NELL1: variants seen among roughly 807,000 people sequenced by gnomAD.
NELL1 encodes the protein neural EGFL like 1.
In NELL1, 76 loss-of-function variants were observed where a neutral mutation model predicts 107.4. The ratio of observed to expected loss-of-function variants is 0.71; its 90% CI spans 0.59 to 0.86. The LOEUF is 0.86. NELL1 is among the 40% of genes least tolerant of loss of function. NELL1 has a pLI of 0.00. For synonymous variants in NELL1, 353 were observed against 341.2 expected (o/e 1.03, Z -0.38); for missense variants, 1,024 against 1,005.5 (o/e 1.02, Z -0.25).
intron 12 of NELL1, among the ~76,000 whole-genome samples, chr11:20,992,546 C>T (rs886913040): frequency 6.6e-6 from 1 of 152,078 alleles, no homozygotes; most frequent in African/African-American, 2.4e-5. Flanking sequence ...ATTTATAAGT[C>T]TGTAGCCTTG....
intron 12 of NELL1, among the ~76,000 whole-genome samples, chr11:21,061,027 G>A (rs11025897): frequency 0.26 from 40,194 of 152,134 alleles, 5,568 homozygotes; most frequent in South Asian, 0.4. Context: ...GAGCCACCAC[G>A]CCTGGCCCCA....
chr11:20,988,390 T>TATATAG (rs1323558787), intron 12 of NELL1, among the ~76,000 whole-genome samples: 3 of 151,322 alleles, frequency 2.0e-5, no homozygotes, highest in Non-Finnish European at 4.4e-5. Flanking sequence ...TATATGTGTA[T>TATATAG]ATATATACAT....
rs747919738 is a variant in NELL1 at position 21,532,723 on chromosome 11, T to C, written c.1646-1651T>C. ...GTTGCTGCTTTGTTACAGAGAGTTA[T>C]CCTTCAGCCTAACATAGAGAAGTCA... On this transcript the variant is annotated intron_variant, in intron 15 of 19. Coordinates refer to ENST00000357134, the MANE Select transcript of NELL1 (RefSeq NM_006157.5). Among the ~76,000 whole-genome samples, 128 of 152,160 alleles carry C rather than the reference T, an allele frequency of 8.4e-4. 3 individuals are homozygous for C. Among genetic ancestry groups the C allele is most frequent in the Non-Finnish European group, 2.6e-4 (18 of 68,026 alleles).
intron 2 of NELL1, among the ~76,000 whole-genome samples, chr11:20,728,567 C>G (rs971083310): frequency 6.7e-6 from 1 of 150,232 alleles, no homozygotes; most frequent in African/African-American, 2.4e-5. Context: ...ATAGGAAATC[C>G]TTTCTTCATT....
At chr11:21,319,494 T>TA (rs1849959790) in intron 14 of NELL1, among the ~76,000 whole-genome samples, 2 of 135,632 alleles carry the variant, frequency 1.5e-5, no homozygotes, top group African/African-American at 5.5e-5. Context: ...CCAGCTAAAT[T>TA]TATATATATA....
At chr11:20,983,136 C>T (rs1020232624) in intron 12 of NELL1, among the ~76,000 whole-genome samples, 6 of 152,088 alleles carry the variant, frequency 3.9e-5, no homozygotes, top group East Asian at 1.9e-4. Context: ...TGCAAGTATT[C>T]GCTGTTTATA....
intron 14 of NELL1, among the ~76,000 whole-genome samples, chr11:21,364,042 C>T (rs1851151646): frequency 6.6e-6 from 1 of 152,096 alleles, no homozygotes; most frequent in Non-Finnish European, 1.5e-5. Context: ...GAAGATAGCA[C>T]TTGTAGACAT....
chr11:21,293,849 A>G (rs956148274), intron 14 of NELL1, among the ~76,000 whole-genome samples: 17 of 152,170 alleles, frequency 1.1e-4, no homozygotes, highest in South Asian at 4.1e-4. Flanking sequence ...CAAACACCAC[A>G]TGATCTCACT....
rs1157847475 is a variant in NELL1 at position 21,573,242 on chromosome 11, G to A, written c.2215G>A (p.Ala739Thr). ...CCCCAACTTGAGCTGTGAGTATACAGCTATCTTAGAAGGGGAATGTTGTCC... is the reference window on the plus strand; with the variant it reads ...CCCCAACTTGAGCTGTGAGTATACAACTATCTTAGAAGGGGAATGTTGTCC... ...TCPNLSCEYT[A>T]ILEGECCPRC... The change falls in exon 19 of 20, where the codon GCT becomes ACT. Residue 739 changes from alanine to threonine, a missense_variant. Physicochemically the swap from Ala to Thr is moderately conservative, Grantham distance 58 (BLOSUM62 0). Transcript: ENST00000357134. 2 of 1,612,250 alleles carry A rather than the reference G, an allele frequency of 1.2e-6. No homozygotes were observed. The highest frequency in any genetic ancestry group is 1.7e-6 in the Non-Finnish European group (2 of 1,178,980).
intron 12 of NELL1, among the ~76,000 whole-genome samples, chr11:21,046,551 C>T (rs1853358374): frequency 6.6e-6 from 1 of 152,206 alleles, no homozygotes; most frequent in Non-Finnish European, 1.5e-5. Flanking sequence ...TTGTTCTTTT[C>T]TTATCAATAC....
At chr11:21,525,402 A>G (rs1173590355) in intron 15 of NELL1, among the ~76,000 whole-genome samples, 2 of 152,162 alleles carry the variant, frequency 1.3e-5, no homozygotes, top group Admixed American at 6.5e-5. Context: ...TTCATACCTT[A>G]TTGGAACTTG....
intron 14 of NELL1, among the ~76,000 whole-genome samples, chr11:21,330,278 A>C (rs1158378338): frequency 3.9e-5 from 6 of 152,158 alleles, no homozygotes; most frequent in African/African-American, 1.4e-4. Context: ...ATATGCATTT[A>C]TACTGTCTTT....
chr11:21,479,926 A>G (rs2133898253), intron 15 of NELL1, among the ~76,000 whole-genome samples: 1 of 152,250 alleles, frequency 6.6e-6, no homozygotes, highest in Non-Finnish European at 1.5e-5. Flanking sequence ...TCCTCGAGAT[A>G]AACAGCTCTA....
intron 13 of NELL1, among the ~76,000 whole-genome samples, chr11:21,122,352 C>G (rs11025928): frequency 0.15 from 22,866 of 152,172 alleles, 1,795 homozygotes; most frequent in Non-Finnish European, 0.17. Flanking sequence ...GCTGGTCTTG[C>G]AGCTCCACTC....
chr11:21,235,357 C>T (rs4923446), intron 14 of NELL1, among the ~76,000 whole-genome samples: 8 of 152,122 alleles, frequency 5.3e-5, no homozygotes, highest in Non-Finnish European at 1.0e-4. Flanking sequence ...GGATTTGAGA[C>T]TGTACCCCAC....
intron 15 of NELL1, among the ~76,000 whole-genome samples, chr11:21,444,026 C>T (rs1408373608): frequency 6.6e-6 from 1 of 152,062 alleles, no homozygotes; most frequent in Non-Finnish European, 1.5e-5. Context: ...ATATATATAA[C>T]TAAGACATTT....
At chr11:21,268,148 A>G (rs1848671298) in intron 14 of NELL1, among the ~76,000 whole-genome samples, 1 of 152,174 alleles carries the variant, frequency 6.6e-6, no homozygotes, top group Non-Finnish European at 1.5e-5. Flanking sequence ...TTATGTGGGA[A>G]CCAGGACCAG....
At chr11:21,569,617 G>T (rs1307418170) in intron 17 of NELL1, among the ~76,000 whole-genome samples, 1 of 151,846 alleles carries the variant, frequency 6.6e-6, no homozygotes, top group Non-Finnish European at 1.5e-5. Context: ...GTACATAAGA[G>T]CTGTCTTCTA....
intron 13 of NELL1, among the ~76,000 whole-genome samples, chr11:21,187,458 T>C (rs997143433): frequency 1.3e-5 from 2 of 151,894 alleles, no homozygotes; most frequent in Non-Finnish European, 2.9e-5. Flanking sequence ...AAAGTAACAC[T>C]TAAAATGATA....
Sources: gnomAD v4.1 joint callset for allele counts (sites outside exome capture counted in the v4.1 genomes callset) on GRCh38, gnomAD v4.1.1 for gene constraint, MANE v1.5 for transcripts, NCBI Gene and HGNC (gene_info 2026-07-23, HGNC 2026-07-21) for gene names.